Variants in TTPA observed in about 807,000 individuals in gnomAD.
TTPA encodes the protein alpha tocopherol transfer protein.
Under a neutral mutation model 25.9 loss-of-function variants are expected in TTPA, and 23 were observed. The observed-to-expected ratio is 0.89, with a 90% CI of 0.64 to 1.26. The LOEUF (loss-of-function observed/expected upper bound fraction) is 1.26, where lower values mean the gene tolerates loss of function less well. Ranked by LOEUF, TTPA falls within the 50% of genes most tolerant of loss-of-function variation. The pLI is 0.00. For synonymous variants in TTPA, 148 were observed against 137.3 expected (o/e 1.08, Z -0.54); for missense variants, 337 against 353.1 (o/e 0.95, Z 0.37).
At position 63,067,752 on chromosome 8, in the gene TTPA, C is replaced by T. The variant is rs114643736; in HGVS notation, c.359-1655G>A. On this transcript the variant is annotated intron_variant, in intron 2 of 4. Transcript: ENST00000260116. Reference sequence around the variant, plus strand: ...CAGTACCCAATAGGAAGTTTTTCAACGCTTGCTCCCCTCCCTCCCTCTCCT... The same window carrying T: ...CAGTACCCAATAGGAAGTTTTTCAATGCTTGCTCCCCTCCCTCCCTCTCCT... Among the ~76,000 whole-genome samples, 1,173 of 152,210 alleles carry T rather than the reference C, an allele frequency of 7.7e-3. 17 individuals are homozygous for T. Among genetic ancestry groups the T allele is most frequent in the African/African-American group, 0.026 (1,090 of 41,536 alleles).
At chr8:63,080,719 C>CAA (rs764937720) in intron 1 of TTPA, among the ~76,000 whole-genome samples, 16 of 69,900 alleles carry the variant, frequency 2.3e-4, no homozygotes, top group African/African-American at 6.7e-4. Context: ...GACTCCGTAT[C>CAA]AAAAAAAAAA....
At position 63,085,937 on chromosome 8, in the gene TTPA, C is replaced by T. The variant is rs1433931246; in HGVS notation, c.85G>A (p.Ala29Thr). The T allele has an allele frequency of 2.6e-6, 4 of 1,520,196 alleles. No individual in the cohort carries two copies. The highest frequency in any genetic ancestry group is 2.6e-6 in the Non-Finnish European group (3 of 1,141,160). The allele number at this position is 1,520,196 out of a possible 1,614,324, so 94.2% of individuals were successfully genotyped here. ...DHSPLLQPGL[A>T]ALRRRAREAG... is the part of the protein sequence containing the mutation. Reference sequence around the variant, plus strand: ...TCCCGGGCCCGGCGCCGCAGCGCCGCCAGGCCCGGCTGCAGCAACGGAGAG... The same window carrying T: ...TCCCGGGCCCGGCGCCGCAGCGCCGTCAGGCCCGGCTGCAGCAACGGAGAG... The change falls in exon 1 of 5, where the codon GCG becomes ACG. Residue 29 changes from alanine to threonine, a missense_variant. Ala to Thr is a moderately conservative substitution (Grantham distance 58, BLOSUM62 0). Transcript: ENST00000260116.
At chr8:63,076,629 G>A (rs984276818) in intron 1 of TTPA, among the ~76,000 whole-genome samples, 6 of 152,016 alleles carry the variant, frequency 3.9e-5, no homozygotes, top group Non-Finnish European at 7.4e-5. Flanking sequence ...ATGTCCCAGA[G>A]GCTGATGGTC....
intron 1 of TTPA, among the ~76,000 whole-genome samples, chr8:63,081,913 A>C (rs1446717200): frequency 2.0e-5 from 3 of 152,198 alleles, no homozygotes; most frequent in Non-Finnish European, 4.4e-5. Context: ...AGAATAAAAT[A>C]CCTAGGAATC....
intron 1 of TTPA, among the ~76,000 whole-genome samples, chr8:63,074,596 C>T (rs1454386889): frequency 6.6e-6 from 1 of 152,180 alleles, no homozygotes; most frequent in Admixed American, 6.5e-5. Context: ...GTCCTAATAT[C>T]TTCATTCTAC....
chr8:63,078,741 G>T (rs115913931), intron 1 of TTPA, among the ~76,000 whole-genome samples: 7,714 of 152,220 alleles, frequency 0.051, 289 homozygotes, highest in African/African-American at 0.1. Context: ...TGGGGAGAGT[G>T]GAACCAGTTG....
chr8:63,075,717 A>AG lies in TTPA; in HGVS notation c.205-2630_205-2629insC, dbSNP rs1454732053. 9.4e-3 allele frequency among the ~76,000 whole-genome samples: 1,376 copies of AG among 147,090 alleles called. 18 individuals are homozygous for AG. The highest frequency in any genetic ancestry group is 0.014 in the Non-Finnish European group (914 of 66,832). ...CCGTCTCAAAAAAAAAAAAAAAAAAAAAAAGTAAAGTAAAGCTATGAGAAA... is the reference window on the plus strand; with the variant it reads ...CCGTCTCAAAAAAAAAAAAAAAAAAAGAAAAGTAAAGTAAAGCTATGAGAAA... On this transcript the variant is annotated intron_variant, in intron 1 of 4. Coordinates refer to ENST00000260116, the MANE Select transcript of TTPA (RefSeq NM_000370.3).
intron 2 of TTPA, among the ~76,000 whole-genome samples, chr8:63,067,540 CAA>C (rs770012587): frequency 4.3e-5 from 4 of 93,772 alleles, no homozygotes; most frequent in Non-Finnish European, 4.9e-5. Context: ...AGTAAATTTT[CAA>C]AAAAAAAAAA....
chr8:63,075,140 ACCAC>A (rs964245673), intron 1 of TTPA, among the ~76,000 whole-genome samples: 9 of 152,196 alleles, frequency 5.9e-5, no homozygotes, highest in African/African-American at 2.2e-4. Flanking sequence ...TCTCAAACAA[ACCAC>A]CCTATGTCCA....
Position 63,060,204 on chromosome 8 carries a change from T to G in TTPA, c.*1048A>C, listed in dbSNP as rs1432735835. 2 of 152,242 alleles carry G rather than the reference T, an allele frequency of 1.3e-5. No homozygotes were observed. The highest frequency in any genetic ancestry group is 2.9e-5 in the Non-Finnish European group (2 of 68,048). The allele number at this position is 152,242 out of a possible 1,614,324, so 9.4% of individuals were successfully genotyped here. A position where few individuals can be genotyped will look rare whatever the true frequency, so the allele number is the denominator to read the frequency against. On this transcript the variant is annotated 3_prime_UTR_variant, in exon 5 of 5. Coordinates refer to ENST00000260116, the MANE Select transcript of TTPA (RefSeq NM_000370.3). ...AGTCCATGTATAAGACAAGTAAGTA[T>G]GATTCCATCCCTTTCCGTGTAGTCA...
In TTPA at chr8:63,066,017, C is replaced by T. The variant is rs1288583496; in HGVS notation, c.439G>A (p.Val147Ile). 6.2e-7 allele frequency: 1 copy of T among 1,614,050 alleles called. No individual in the cohort carries two copies. ...TTGATTCCATTCCGCTGAGTTTCTA[C>T]CTCCTGTACAATAAGCTCGGATGTG... ...LITSELIVQE[V>I]ETQRNGIKAI... The change falls in exon 3 of 5, where the codon GTA becomes ATA. Residue 147 changes from valine (V) to isoleucine (I), a missense_variant. Physicochemically the swap from Val to Ile is conservative, Grantham distance 29 (BLOSUM62 3). Transcript: ENST00000260116.
intron 1 of TTPA, among the ~76,000 whole-genome samples, chr8:63,083,020 T>C (rs1726564135): frequency 6.6e-6 from 1 of 152,154 alleles, no homozygotes; most frequent in Non-Finnish European, 1.5e-5. Flanking sequence ...GAAATAAGAA[T>C]GCTTTTACAC....
At chr8:63,075,344 T>C (rs1230739235) in intron 1 of TTPA, among the ~76,000 whole-genome samples, 2 of 152,204 alleles carry the variant, frequency 1.3e-5, no homozygotes, top group Non-Finnish European at 2.9e-5. Flanking sequence ...AGCACTTTTA[T>C]AGGGTCTAAT....
chr8:63,082,338 C>T (rs1366681448), intron 1 of TTPA, among the ~76,000 whole-genome samples: 2 of 152,102 alleles, frequency 1.3e-5, no homozygotes, highest in Non-Finnish European at 2.9e-5. Flanking sequence ...AATAACACCA[C>T]ACATCTACAA....
Position 63,061,143 on chromosome 8 carries a change from C to T in TTPA, c.*109G>A, listed in dbSNP as rs1276985368. ...AGAAGATTTCTACATTTTTAAAGTT[C>T]AGGCAAGCATTAGTTTAAAAGATTT... is the stretch of plus-strand genomic sequence containing the variant. On this transcript the variant is annotated 3_prime_UTR_variant, in exon 5 of 5. Coordinates refer to ENST00000260116, the MANE Select transcript of TTPA (RefSeq NM_000370.3). 3.4e-6 allele frequency: 4 copies of T among 1,159,574 alleles called. No homozygotes were observed. The highest frequency in any genetic ancestry group is 5.0e-6 in the Non-Finnish European group (4 of 797,926). 71.8% of individuals were successfully genotyped at this position (1,159,574 alleles called of 1,614,324 possible).
intron 4 of TTPA, 74 bp from the exon 5 acceptor site, chr8:63,061,499 A>G: frequency 1.5e-6 from 2 of 1,345,736 alleles, no homozygotes; most frequent in Non-Finnish European, 1.1e-6. Flanking sequence ...CTCATAAAAC[A>G]AGGTATTCTA....
At chr8:63,085,695 G>C (rs1386306778) in intron 1 of TTPA, 123 bp downstream of exon 1, 1 of 1,248,828 alleles carries the variant, frequency 8.0e-7, no homozygotes, top group Non-Finnish European at 1.1e-6. Context: ...TTAGGGGCGC[G>C]TTACCCGCCA....
rs35250281 is a variant in TTPA at position 63,061,488 on chromosome 8, C to A, written c.664-63G>T. ...AGATGCATTTCCAGTGGAAAATCAA[C>A]CTCATAAAACAAGGTATTCTAATAA... On this transcript the variant is annotated intron_variant, in intron 4 of 4. Coordinates refer to ENST00000260116, the MANE Select transcript of TTPA (RefSeq NM_000370.3). The A allele has an allele frequency of 2.6e-3, 3,851 of 1,469,998 alleles. 77 individuals are homozygous for A. The African/African-American group carries it at 0.047, about 18-fold the overall frequency. 91.1% of individuals were successfully genotyped at this position (1,469,998 alleles called of 1,614,324 possible).
chr8:63,081,110 A>G (rs1260074722), intron 1 of TTPA, among the ~76,000 whole-genome samples: 1 of 152,198 alleles, frequency 6.6e-6, no homozygotes, highest in Non-Finnish European at 1.5e-5. Flanking sequence ...CAATCAATAG[A>G]AAAAGAGGGG....
Sources: gnomAD v4.1 joint callset for allele counts (sites outside exome capture counted in the v4.1 genomes callset) on GRCh38, gnomAD v4.1.1 for gene constraint, MANE v1.5 for transcripts, NCBI Gene and HGNC (gene_info 2026-07-23, HGNC 2026-07-21) for gene names.